The following NAA11 variants were observed in gnomAD, a reference collection of about 807,000 sequenced individuals.
NAA11 encodes N-alpha-acetyltransferase 11, NatA catalytic subunit, also known as N-alpha-acetyltransferase 11.
NAA11 carries 15 observed loss-of-function variants against 16.1 expected under a neutral mutation model. The observed-to-expected ratio is 0.93, with a 90% confidence interval of 0.62 to 1.44. The LOEUF (loss-of-function observed/expected upper bound fraction) is 1.44, where lower values mean the gene tolerates loss of function less well. Among genes scored for constraint, NAA11 ranks in the 40% most tolerant of loss-of-function variants. NAA11 has a pLI of 0.00. For missense variants in NAA11, 298 were observed against 291.3 expected (o/e 1.02, Z -0.17); for synonymous variants, 122 against 112.4 (o/e 1.09, Z -0.54).
the NAA11 span, among the ~76,000 whole-genome samples, chr4:79,193,564 T>C: frequency 4.9e-4 from 74 of 152,298 alleles, no homozygotes; most frequent in African/African-American, 1.7e-3. Context: ...CTGAGGGCTC[T>C]GTTCTGTTCC....
Position 79,325,180 on chromosome 4 carries a change from A to G in NAA11, c.*8T>C. 6.3e-7 allele frequency: 1 copy of G among 1,596,592 alleles called. No homozygotes were observed. The highest frequency in any genetic ancestry group is 8.5e-7 in the Non-Finnish European group (1 of 1,170,790). On this transcript the variant is annotated 3_prime_UTR_variant, in exon 1 of 2. Coordinates refer to ENST00000286794, the MANE Select transcript of NAA11 (RefSeq NM_032693.3). The stretch of plus-strand genomic sequence containing the variant: ...GGGTCAGGGAAGACAGAATACCTTA[A>G]GCATGCTCTAGGAGGTGGAATCCGA...
At chr4:79,190,456 C>CCTTT in the NAA11 span, among the ~76,000 whole-genome samples, 7 of 142,574 alleles carry the variant, frequency 4.9e-5, no homozygotes, top group African/African-American at 1.9e-4. Context: ...TTGTCTCTCC[C>CCTTT]TTTTTTTTTT....
the NAA11 span, among the ~76,000 whole-genome samples, chr4:79,188,439 G>A: frequency 1.1e-4 from 17 of 151,938 alleles, no homozygotes; most frequent in African/African-American, 3.4e-4. Flanking sequence ...CAAAAAATTA[G>A]CCCGGCCTAG....
chr4:79,325,399 C>G lies in NAA11; in HGVS notation c.479G>C (p.Arg160Pro). ...CCCGCCCTTCTTCAGGTCCATTTGT[C>G]GTCTCAGCTCATCTGCCATCTGCGA... ...DLSQMADELRRQMDLKKGGYV... is the reference protein window; with the variant it reads ...DLSQMADELRPQMDLKKGGYV... Residue 160 changes from arginine (R) to proline (P), a missense_variant, in exon 1 of 2, where the codon CGA becomes CCA. Transcript: ENST00000286794. 3 of 1,614,154 alleles carry G rather than the reference C, an allele frequency of 1.9e-6. No homozygotes were observed. The highest frequency in any genetic ancestry group is 2.5e-6 in the Non-Finnish European group (3 of 1,180,008).
chr4:79,181,069 G>A, the NAA11 span, among the ~76,000 whole-genome samples: 1 of 151,960 alleles, frequency 6.6e-6, no homozygotes, highest in Non-Finnish European at 1.5e-5. Context: ...ATCACACACC[G>A]GGGCGTGTTG....
chr4:79,158,836 C>T, the NAA11 span, among the ~76,000 whole-genome samples: 149 of 151,684 alleles, frequency 9.8e-4, no homozygotes, highest in Non-Finnish European at 1.5e-3. Flanking sequence ...TGATCCTTGA[C>T]GAAGCAAACA....
the NAA11 span, among the ~76,000 whole-genome samples, chr4:79,220,383 G>A: frequency 1.3e-5 from 2 of 152,028 alleles, no homozygotes; most frequent in Admixed American, 6.6e-5. Flanking sequence ...ATGAGCCACT[G>A]TGCTGGGCTT....
chr4:79,202,177 G>A, the NAA11 span, among the ~76,000 whole-genome samples: 5 of 151,392 alleles, frequency 3.3e-5, no homozygotes, highest in African/African-American at 1.2e-4. Context: ...ATCGTGTGAT[G>A]TTTGTGTTTC....
downstream of NAA11, among the ~76,000 whole-genome samples, chr4:79,221,064 T>C (rs1318351651): frequency 2.0e-5 from 3 of 151,888 alleles, no homozygotes; most frequent in Non-Finnish European, 4.4e-5. Context: ...CAGTGGTTTG[T>C]AGTTCTCCTT....
chr4:79,200,539 G>T, the NAA11 span, among the ~76,000 whole-genome samples: 71 of 151,876 alleles, frequency 4.7e-4, no homozygotes, highest in African/African-American at 1.6e-3. Context: ...TGAAAGAAGT[G>T]ATATTTGAGA....
At chr4:79,216,749 T>TA in the NAA11 span, among the ~76,000 whole-genome samples, 15 of 152,332 alleles carry the variant, frequency 9.8e-5, no homozygotes, top group African/African-American at 3.6e-4. Context: ...TTGTGTTTCT[T>TA]ACCAGAACTT....
chr4:79,287,696 A>G (rs977436135), intron 2 of NAA11, among the ~76,000 whole-genome samples: 1 of 149,450 alleles, frequency 6.7e-6, no homozygotes, highest in East Asian at 2.0e-4. Context: ...AGAAAGAGGG[A>G]GAGAGAGAGA....
chr4:79,225,334 G>T (rs1001931439), downstream of NAA11, among the ~76,000 whole-genome samples: 3 of 151,972 alleles, frequency 2.0e-5, no homozygotes, highest in African/African-American at 7.2e-5. Context: ...AAATTTTAGC[G>T]AAATACACTT....
At chr4:79,311,982 A>G (rs541153772), downstream of NAA11, among the ~76,000 whole-genome samples, 1 of 152,212 alleles carries the variant, frequency 6.6e-6, no homozygotes, top group African/African-American at 2.4e-5. Context: ...GAGCAGTTCT[A>G]TGGGGCTGCC....
chr4:79,324,695 T>G (rs1724203517), intron 1 of NAA11, among the ~76,000 whole-genome samples: 1 of 152,222 alleles, frequency 6.6e-6, no homozygotes, highest in African/African-American at 2.4e-5. Context: ...TAGTGAAGAC[T>G]GACTACACTG....
chr4:79,194,294 G>A, the NAA11 span, among the ~76,000 whole-genome samples: 1 of 152,026 alleles, frequency 6.6e-6, no homozygotes, highest in African/African-American at 2.4e-5. Context: ...TTATTCCTTT[G>A]CATGAGCATG....
intron 1 of NAA11, among the ~76,000 whole-genome samples, chr4:79,303,131 C>A (rs1377919916): frequency 8.5e-5 from 9 of 105,386 alleles, no homozygotes; most frequent in African/African-American, 3.2e-4. Context: ...TACCTCCCAA[C>A]ATAAATATTT....
At chr4:79,173,450 G>A in the NAA11 span, among the ~76,000 whole-genome samples, 1 of 151,976 alleles carries the variant, frequency 6.6e-6, no homozygotes, top group Non-Finnish European at 1.5e-5. Flanking sequence ...TGTGTGTCTT[G>A]TTTACCATCT....
At position 79,227,733 on chromosome 4, in the gene NAA11, A is replaced by G. The variant is rs553493869; in HGVS notation, c.*123-1463T>C. The G allele has an allele frequency of 2.6e-5, 4 of 151,988 alleles. No individual in the cohort carries two copies. In the South Asian group the frequency reaches 8.3e-4, roughly 32 times the overall value. The allele number at this position is 151,988 out of a possible 1,614,324, so 9.4% of individuals were successfully genotyped here. ...TGTGAAAAATTTTTCCCTTAAATTG[A>G]GAATGTTTTAAATAATGCAGCCTAT... On this transcript the variant is annotated intron_variant and NMD_transcript_variant, in intron 2 of 2. Coordinates refer to the NAA11 transcript ENST00000511542.
Sources: allele counts gnomAD v4.1 joint callset (sites outside exome capture counted in the v4.1 genomes callset), GRCh38; gene constraint gnomAD v4.1.1; transcripts MANE v1.5; gene names NCBI Gene and HGNC (gene_info 2026-07-23, HGNC 2026-07-21).